VPS35L: variants seen among roughly 807,000 people sequenced by gnomAD.
VPS35L encodes VPS35 endosomal protein sorting factor like.
In VPS35L, 83 loss-of-function variants were observed where a neutral mutation model predicts 133.0. The observed-to-expected ratio is 0.62, with a 90% CI of 0.52 to 0.75. The LOEUF (loss-of-function observed/expected upper bound fraction) is 0.75, where lower values mean the gene tolerates loss of function less well. VPS35L is among the 30% of genes least tolerant of loss of function. VPS35L has a pLI of 0.00. For synonymous variants in VPS35L, 423 were observed against 449.9 expected, an observed-to-expected ratio of 0.94 and a Z score of 0.76; for missense variants, 1,083 against 1,206.8, an observed-to-expected ratio of 0.90 and a Z score of 1.52.
chr16:19,692,972 T>C (rs904964931), intron 29 of VPS35L, among the ~76,000 whole-genome samples: 5 of 152,194 alleles, frequency 3.3e-5, no homozygotes, highest in African/African-American at 1.2e-4. Flanking sequence ...TTAGGGTTAG[T>C]AGTTGAAAGG....
At chr16:19,609,149 G>A in intron 11 of VPS35L, 128 bp downstream of exon 11, 1 of 766,526 alleles carries the variant, frequency 1.3e-6, no homozygotes. Flanking sequence ...AGCACCTTCT[G>A]TTCTTTTTCT....
intron 28 of VPS35L, among the ~76,000 whole-genome samples, chr16:19,688,115 C>T (rs1975527310): frequency 6.6e-6 from 1 of 150,850 alleles, no homozygotes; most frequent in Non-Finnish European, 1.5e-5. Flanking sequence ...TTATTAGAGA[C>T]AGGGTTTCAC....
chr16:19,667,419 C>A (rs1974729982), intron 26 of VPS35L, among the ~76,000 whole-genome samples: 2 of 151,982 alleles, frequency 1.3e-5, no homozygotes, highest in Non-Finnish European at 2.9e-5. Context: ...ATTCATAGAC[C>A]AAAATACGTA....
intron 11 of VPS35L, among the ~76,000 whole-genome samples, chr16:19,609,989 G>A (rs1972658618): frequency 6.6e-6 from 1 of 152,126 alleles, no homozygotes; most frequent in African/African-American, 2.4e-5. Context: ...AGAAGATCAA[G>A]GGGTGCCCAG....
chr16:19,591,657 C>T, intron 7 of VPS35L, 133 bp from the exon 8 acceptor site: 1 of 621,626 alleles, frequency 1.6e-6, no homozygotes. Flanking sequence ...GTATGCTCAG[C>T]ACCTCGCACA....
At chr16:19,590,976 T>TA (rs1310826829) in intron 7 of VPS35L, among the ~76,000 whole-genome samples, 4 of 151,976 alleles carry the variant, frequency 2.6e-5, no homozygotes, top group Non-Finnish European at 4.4e-5. Context: ...TAATAAAATT[T>TA]AAAAAAATTA....
intron 2 of VPS35L, among the ~76,000 whole-genome samples, chr16:19,566,428 A>G (rs1482745017): frequency 1.3e-5 from 2 of 152,186 alleles, no homozygotes; most frequent in Non-Finnish European, 2.9e-5. Context: ...CCCAGGAGGC[A>G]GAGGTTGCAG....
chr16:19,598,570 GC>G (rs1398974457), intron 8 of VPS35L, among the ~76,000 whole-genome samples: 1 of 152,096 alleles, frequency 6.6e-6, no homozygotes, highest in African/African-American at 2.4e-5. Flanking sequence ...GATTGCTTGA[GC>G]CCAGGAGTTC....
At position 19,647,109 on chromosome 16, in the gene VPS35L, C is replaced by T. The variant is rs7196382; in HGVS notation, c.1930-675C>T. Among the ~76,000 whole-genome samples the T allele has an allele frequency of 9.4e-3, 1,433 of 152,318 alleles. 29 individuals carry two copies. Among genetic ancestry groups the T allele is most frequent in the African/African-American group, 0.032 (1,350 of 41,564 alleles). ...AATTTTGATGAAAATTCAGGATTAGCCTTTCAATTCCCGTGTTAGGAAACA... is the reference window on the plus strand; with the variant it reads ...AATTTTGATGAAAATTCAGGATTAGTCTTTCAATTCCCGTGTTAGGAAACA... On this transcript the variant is annotated intron_variant, in intron 23 of 30. Coordinates refer to ENST00000417362, the MANE Select transcript of VPS35L (RefSeq NM_020314.7).
At chr16:19,623,567 T>C (rs1366296257) in intron 14 of VPS35L, among the ~76,000 whole-genome samples, 2 of 151,992 alleles carry the variant, frequency 1.3e-5, no homozygotes, top group African/African-American at 4.8e-5. Context: ...GAAATCTGAA[T>C]AAAATCAGGG....
At chr16:19,642,872 T>G (rs1973828654) in intron 22 of VPS35L, among the ~76,000 whole-genome samples, 1 of 152,218 alleles carries the variant, frequency 6.6e-6, no homozygotes, top group Non-Finnish European at 1.5e-5. Flanking sequence ...TGCTTGAGGC[T>G]GAGACCTATC....
At chr16:19,629,439 T>G (rs1257925888) in intron 17 of VPS35L, among the ~76,000 whole-genome samples, 1 of 152,142 alleles carries the variant, frequency 6.6e-6, no homozygotes, top group East Asian at 1.9e-4. Context: ...TAAGATGTGC[T>G]AAAAGTATAA....
intron 5 of VPS35L, among the ~76,000 whole-genome samples, chr16:19,576,728 C>T (rs898806916): frequency 1.3e-5 from 2 of 148,706 alleles, no homozygotes; most frequent in African/African-American, 5.1e-5. Context: ...CTTTGTTATG[C>T]ATAGAATTTT....
intron 18 of VPS35L, among the ~76,000 whole-genome samples, chr16:19,632,784 A>T (rs543313015): frequency 6.6e-6 from 1 of 152,354 alleles, no homozygotes; most frequent in East Asian, 1.9e-4. Context: ...CACCTGAGGG[A>T]GGGCCTGGGA....
chr16:19,668,560 G>T (rs1187789238), intron 26 of VPS35L, among the ~76,000 whole-genome samples: 1 of 151,534 alleles, frequency 6.6e-6, no homozygotes, highest in East Asian at 1.9e-4. Context: ...CGATTCTATG[G>T]AGCTGATGTT....
chr16:19,666,025 T>A (rs577988080), intron 26 of VPS35L, among the ~76,000 whole-genome samples: 43 of 152,300 alleles, frequency 2.8e-4, no homozygotes, highest in Admixed American at 5.9e-4. Context: ...AAAATCTGAT[T>A]ATTAGATTTT....
chr16:19,669,298 C>G lies in VPS35L; in HGVS notation c.2360C>G (p.Pro787Arg), dbSNP rs574948701. 6.2e-7 allele frequency: 1 copy of G among 1,606,656 alleles called. No individual in the cohort carries two copies. The highest frequency in any genetic ancestry group is 2.2e-5 in the East Asian group (1 of 44,720). ...TTCTTTTCTACTTTATTAATAGTTC[C>G]GGTACGTTTCCTCAGCAGAACCGCA... ...CNFFSTLLIV[P>R]DHPEHGVLFL... The change falls in exon 27 of 31, where the codon CCG becomes CGG. Residue 787 changes from proline (P) to arginine (R), a missense_variant and splice_region_variant. Coordinates refer to ENST00000417362, the MANE Select transcript of VPS35L (RefSeq NM_020314.7).
chr16:19,676,716 A>G (rs887400687), intron 27 of VPS35L, among the ~76,000 whole-genome samples: 2 of 152,192 alleles, frequency 1.3e-5, no homozygotes, highest in African/African-American at 2.4e-5. Context: ...GTCCAGGTCT[A>G]TGTTTCATCA....
intron 1 of VPS35L, among the ~76,000 whole-genome samples, chr16:19,563,464 G>A (rs2151500043): frequency 1.3e-5 from 2 of 152,186 alleles, no homozygotes; most frequent in East Asian, 3.9e-4. Context: ...GTCTTTCTTT[G>A]GTTTTGGAAA....
Sources: allele counts gnomAD v4.1 joint callset (sites outside exome capture counted in the v4.1 genomes callset), GRCh38; gene constraint gnomAD v4.1.1; transcripts MANE v1.5; gene names NCBI Gene and HGNC (gene_info 2026-07-23, HGNC 2026-07-21).